The following PRRX2 variants were observed in gnomAD, a reference collection of about 807,000 sequenced individuals.
PRRX2 encodes the protein paired mesoderm homeobox protein 2.
Under a neutral mutation model 18.0 loss-of-function variants are expected in PRRX2, and 11 were observed. That is an observed-to-expected ratio of 0.61 (90% confidence interval 0.39 to 1.01). The LOEUF (loss-of-function observed/expected upper bound fraction) is 1.01. Ranked by LOEUF, PRRX2 falls within the 50% of genes least tolerant of loss-of-function variation. The pLI is 0.01. For synonymous variants in PRRX2, 177 were observed against 154.8 expected, an observed-to-expected ratio of 1.14 and a Z score of -1.06; for missense variants, 387 against 351.0, an observed-to-expected ratio of 1.10 and a Z score of -0.82.
intron 1 of PRRX2, among the ~76,000 whole-genome samples, chr9:129,693,456 T>C (rs1832384703): frequency 6.6e-6 from 1 of 152,182 alleles, no homozygotes; most frequent in African/African-American, 2.4e-5. Context: ...TAGCTGGGCA[T>C]GGTGGTGGGT....
chr9:129,681,851 C>G (rs1480523585), intron 1 of PRRX2, among the ~76,000 whole-genome samples: 1 of 152,188 alleles, frequency 6.6e-6, no homozygotes, highest in Non-Finnish European at 1.5e-5. Context: ...GCTTGGAGCC[C>G]GCTGCGGAAG....
chr9:129,709,516 T>A lies in PRRX2; in HGVS notation c.260-9715T>A, dbSNP rs1274523168. 2.0e-5 allele frequency among the ~76,000 whole-genome samples: 3 copies of A among 152,188 alleles called. No homozygotes were observed. Among genetic ancestry groups the A allele is most frequent in the African/African-American group, 7.2e-5 (3 of 41,464 alleles). On this transcript the variant is annotated intron_variant, in intron 1 of 3. Transcript: ENST00000372469. This position sits in a 1 kb window ranked among gnomAD's most constrained non-coding sequence, Gnocchi z 4.2. ...AGGTCAGAGCACGGCAGTCCCAGGTTGGGTGGCCCATGCCTCTCGCTCTTG... is the reference window on the plus strand; with the variant it reads ...AGGTCAGAGCACGGCAGTCCCAGGTAGGGTGGCCCATGCCTCTCGCTCTTG...
chr9:129,675,942 T>C lies in PRRX2; in HGVS notation c.259+9816T>C, dbSNP rs1832158761. On this transcript the variant is annotated intron_variant, in intron 1 of 3. Transcript: ENST00000372469. The surrounding 1 kb of genome is among the most constrained non-coding windows in gnomAD (Gnocchi z 4.4). ...CAAATAACGCGTAACAGAAAACAGC[T>C]GTTAACAGCAGCCCTCTAATGCTCT... is the stretch of plus-strand genomic sequence containing the variant. 6.6e-6 allele frequency among the ~76,000 whole-genome samples: 1 copy of C among 152,170 alleles called. No homozygotes were observed. The highest frequency in any genetic ancestry group is 2.4e-5 in the African/African-American group (1 of 41,432).
intron 3 of PRRX2, among the ~76,000 whole-genome samples, chr9:129,721,210 G>A (rs1832787244): frequency 6.6e-6 from 1 of 152,148 alleles, no homozygotes; most frequent in South Asian, 2.1e-4. Flanking sequence ...TGTCACGGGG[G>A]CCCCAGCGCC....
intron 1 of PRRX2, among the ~76,000 whole-genome samples, chr9:129,678,859 G>C (rs141526790): frequency 6.2e-4 from 94 of 152,330 alleles, no homozygotes; most frequent in Non-Finnish European, 1.1e-3. Flanking sequence ...GGGGATGACA[G>C]TTGTGTCTCA....
Position 129,675,864 on chromosome 9 carries a change from C to A in PRRX2, c.259+9738C>A, listed in dbSNP as rs1035441755. ...TCTGCGCGGGCCTCCCGTATAAAAC[C>A]CCGCAGAACGCCGAGGTCTTGAAAG... On this transcript the variant is annotated intron_variant, in intron 1 of 3. Coordinates refer to ENST00000372469, the MANE Select transcript of PRRX2 (RefSeq NM_016307.4). The surrounding 1 kb of genome is among the most constrained non-coding windows in gnomAD (Gnocchi z 4.4). Among the ~76,000 whole-genome samples, 4 of 152,206 alleles carry A rather than the reference C, an allele frequency of 2.6e-5. No individual in the cohort carries two copies. Among genetic ancestry groups the A allele is most frequent in the African/African-American group, 7.2e-5 (3 of 41,454 alleles).
intron 1 of PRRX2, among the ~76,000 whole-genome samples, chr9:129,666,571 A>ACCCCCCCCCCC (rs532808399): frequency 1.2e-4 from 11 of 95,424 alleles, no homozygotes; most frequent in Admixed American, 2.1e-4. Flanking sequence ...GTGCCTGCCC[A>ACCCCCCCCCCC]CCCCCCCCCA....
chr9:129,683,726 C>T (rs1832262163), intron 1 of PRRX2, among the ~76,000 whole-genome samples: 1 of 151,400 alleles, frequency 6.6e-6, no homozygotes, highest in Non-Finnish European at 1.5e-5. Context: ...CAGAGCGAGA[C>T]TCCATCTCAA....
Position 129,703,310 on chromosome 9 carries a change from C to G in PRRX2, c.260-15921C>G, listed in dbSNP as rs551119672. Among the ~76,000 whole-genome samples the G allele has an allele frequency of 7.2e-5, 11 of 152,316 alleles. No homozygotes were observed. The East Asian group carries it at 2.1e-3, about 29-fold the overall frequency. On this transcript the variant is annotated intron_variant, in intron 1 of 3. Transcript: ENST00000372469. ...TCTGAACGGTCTCTGCGCCTGGCCA[C>G]CAGCACTTGCCCTGGCTTCCCTGCA...
chr9:129,697,058 C>T (rs1369804994), intron 1 of PRRX2, among the ~76,000 whole-genome samples: 2 of 152,258 alleles, frequency 1.3e-5, no homozygotes, highest in Non-Finnish European at 2.9e-5. Context: ...CATAGGGTTA[C>T]CGTGTGTGGA....
At chr9:129,684,458 A>ACTCACACACACACC (rs375037713) in intron 1 of PRRX2, among the ~76,000 whole-genome samples, 1 of 118,610 alleles carries the variant, frequency 8.4e-6, no homozygotes, top group African/African-American at 2.9e-5. Context: ...ACACACACAC[A>ACTCACACACACACC]CCCAACAGAA....
chr9:129,718,265 AT>A (rs1358722324), intron 1 of PRRX2, among the ~76,000 whole-genome samples: 1 of 151,972 alleles, frequency 6.6e-6, no homozygotes, highest in Non-Finnish European at 1.5e-5. Context: ...TCTCTAACTG[AT>A]TGGAGAACTC....
chr9:129,691,816 C>A (rs1832363662), intron 1 of PRRX2, among the ~76,000 whole-genome samples: 1 of 151,502 alleles, frequency 6.6e-6, no homozygotes. Context: ...ACAGCTGGGA[C>A]TACAGGCACA....
intron 1 of PRRX2, among the ~76,000 whole-genome samples, chr9:129,702,612 C>T (rs964512372): frequency 2.0e-5 from 3 of 152,160 alleles, no homozygotes; most frequent in African/African-American, 4.8e-5. Flanking sequence ...CCACGTTGGA[C>T]GGTACAGAGC....
intron 1 of PRRX2, among the ~76,000 whole-genome samples, chr9:129,685,423 G>A (rs1284887360): frequency 6.6e-6 from 1 of 152,156 alleles, no homozygotes; most frequent in Non-Finnish European, 1.5e-5. Flanking sequence ...CTGGAGTGCA[G>A]TGGCACAATC....
intron 1 of PRRX2, among the ~76,000 whole-genome samples, chr9:129,680,412 A>AAAAAG (rs903433289): frequency 2.2e-5 from 3 of 134,766 alleles, no homozygotes; most frequent in East Asian, 2.1e-4. Context: ...AAAAAAAAAA[A>AAAAAG]AAAAGAAAAG....
intron 1 of PRRX2, among the ~76,000 whole-genome samples, chr9:129,696,932 C>T (rs1173921248): frequency 6.6e-6 from 1 of 152,174 alleles, no homozygotes; most frequent in African/African-American, 2.4e-5. Context: ...GTCCGATAGA[C>T]CAGCTGAATG....
chr9:129,692,322 A>G (rs985709473), intron 1 of PRRX2, among the ~76,000 whole-genome samples: 1 of 151,836 alleles, frequency 6.6e-6, no homozygotes, highest in Non-Finnish European at 1.5e-5. Context: ...TTCCCCATCT[A>G]TCTCCTGTCC....
intron 1 of PRRX2, among the ~76,000 whole-genome samples, chr9:129,672,607 T>G (rs28446360): frequency 0.74 from 111,775 of 151,962 alleles, 42,336 homozygotes; most frequent in African/African-American, 0.93. Context: ...GGTTGGGGGG[T>G]TTCTCCTTAA....
Sources: allele counts gnomAD v4.1 joint callset (sites outside exome capture counted in the v4.1 genomes callset), GRCh38; gene constraint gnomAD v4.1.1; non-coding constraint Gnocchi (gnomAD v3.1); transcripts MANE v1.5; gene names NCBI Gene and HGNC (gene_info 2026-07-23, HGNC 2026-07-21).